EPB41: variants seen among roughly 807,000 people sequenced by gnomAD.
The protein encoded by EPB41 is protein 4.1.
A neutral mutation model predicts 108.0 loss-of-function variants in EPB41; 65 were observed. That is an observed-to-expected ratio of 0.60 (90% CI 0.49 to 0.74). EPB41 has a LOEUF of 0.74. Ranked by LOEUF, EPB41 falls within the 30% of genes least tolerant of loss-of-function variation. The pLI is 0.00. For synonymous variants in EPB41, 336 were observed against 358.9 expected (o/e 0.94, Z 0.72); for missense variants, 875 against 1,037.0 (o/e 0.84, Z 2.15).
intron 17 of EPB41, among the ~76,000 whole-genome samples, chr1:29,108,371 C>G (rs1482351952): frequency 6.6e-6 from 1 of 151,616 alleles, no homozygotes; most frequent in Non-Finnish European, 1.5e-5. Flanking sequence ...TGGTCTCAAA[C>G]TCCCCACCTC....
chr1:28,918,797 A>G (rs527657662), intron 1 of EPB41, among the ~76,000 whole-genome samples: 5 of 152,240 alleles, frequency 3.3e-5, no homozygotes, highest in Admixed American at 6.5e-5. Context: ...TGCATTTATC[A>G]TAGCATTTAG....
intron 18 of EPB41, among the ~76,000 whole-genome samples, chr1:29,111,342 T>A (rs1456476631): frequency 6.6e-6 from 1 of 152,082 alleles, no homozygotes; most frequent in African/African-American, 2.4e-5. Flanking sequence ...ATTGTGACTT[T>A]CTGTTTAGCT....
At chr1:29,016,130 G>A (rs2096574698) in intron 6 of EPB41, among the ~76,000 whole-genome samples, 1 of 151,936 alleles carries the variant, frequency 6.6e-6, no homozygotes, top group African/African-American at 2.4e-5. Context: ...TTGTTTTTTG[G>A]GGTCTCTTTT....
chr1:29,070,072 A>G (rs559779846), intron 16 of EPB41: 1 of 242,856 alleles, frequency 4.1e-6, no homozygotes, highest in South Asian at 1.8e-4. Context: ...TAAAATTCAT[A>G]TGTGAATATC....
chr1:29,077,841 G>T (rs1372878104), intron 16 of EPB41, among the ~76,000 whole-genome samples: 1 of 152,102 alleles, frequency 6.6e-6, no homozygotes, highest in African/African-American at 2.4e-5. Context: ...TTTAAATTTT[G>T]TATAATTTTA....
intron 16 of EPB41, among the ~76,000 whole-genome samples, chr1:29,088,201 C>T (rs1418378041): frequency 6.6e-6 from 1 of 151,982 alleles, no homozygotes; most frequent in African/African-American, 2.4e-5. Flanking sequence ...CGTGCGCTAC[C>T]ACGCCTGGCT....
chr1:28,901,113 T>C (rs1427916507), intron 1 of EPB41, among the ~76,000 whole-genome samples: 2 of 151,782 alleles, frequency 1.3e-5, no homozygotes, highest in Non-Finnish European at 2.9e-5. Flanking sequence ...GTATTTTTAG[T>C]AGAGATGGGG....
Position 29,117,225 on chromosome 1 carries a change from T to C in EPB41, c.*413T>C, listed in dbSNP as rs563893910. 2.0e-5 allele frequency: 3 copies of C among 152,694 alleles called. No homozygotes were observed. The highest frequency in any genetic ancestry group is 2.0e-4 in the Admixed American group (3 of 15,298). 9.5% of individuals were successfully genotyped at this position (152,694 alleles called of 1,614,324 possible). A position where few individuals can be genotyped will look rare whatever the true frequency, so the allele number is the denominator to read the frequency against. On this transcript the variant is annotated 3_prime_UTR_variant, in exon 21 of 21. Transcript: ENST00000343067. ...GCTGTGTTGGAAGCCAAAGCCAGCTTAGTGGGACTTCCGCGTCTCTCCCTA... is the reference window on the plus strand; with the variant it reads ...GCTGTGTTGGAAGCCAAAGCCAGCTCAGTGGGACTTCCGCGTCTCTCCCTA...
At chr1:28,980,169 C>T (rs896700774) in intron 1 of EPB41, among the ~76,000 whole-genome samples, 1 of 151,362 alleles carries the variant, frequency 6.6e-6, no homozygotes, top group African/African-American at 2.4e-5. Flanking sequence ...CCCCATCTGT[C>T]CCCAAAATAC....
intron 1 of EPB41, among the ~76,000 whole-genome samples, chr1:28,935,631 T>C (rs1029748959): frequency 2.0e-5 from 3 of 151,658 alleles, no homozygotes; most frequent in African/African-American, 7.3e-5. Context: ...TCCTTAAGAG[T>C]TACTGTAGGC....
chr1:28,928,800 G>A (rs1178719229), intron 1 of EPB41, among the ~76,000 whole-genome samples: 1 of 152,136 alleles, frequency 6.6e-6, no homozygotes, highest in East Asian at 1.9e-4. Flanking sequence ...AATGTTAAAG[G>A]GGGTGTCCTT....
upstream of EPB41, among the ~76,000 whole-genome samples, chr1:28,910,369 A>G (rs1307701734): frequency 6.6e-6 from 1 of 152,172 alleles, no homozygotes; most frequent in African/African-American, 2.4e-5. Context: ...GATGGCAAGC[A>G]CTACTCTTCA....
At chr1:29,068,714 A>G (rs1188564449) in intron 16 of EPB41, 3 of 1,231,352 alleles carry the variant, frequency 2.4e-6, no homozygotes, top group Non-Finnish European at 2.0e-6. Context: ...TGAATTTTAT[A>G]TAATTTGTGT....
At chr1:28,904,750 T>C (rs1008174215) in intron 1 of EPB41, among the ~76,000 whole-genome samples, 5 of 151,618 alleles carry the variant, frequency 3.3e-5, no homozygotes, top group African/African-American at 9.7e-5. Flanking sequence ...ATACAAAAAA[T>C]TGGCCAGCCG....
intron 2 of EPB41, among the ~76,000 whole-genome samples, chr1:28,991,614 A>T (rs1297151828): frequency 6.6e-6 from 1 of 150,508 alleles, no homozygotes; most frequent in Non-Finnish European, 1.5e-5. Flanking sequence ...AGGTGGGAGG[A>T]TCACTTGAGT....
At chr1:28,918,939 G>A (rs2092878144) in intron 1 of EPB41, among the ~76,000 whole-genome samples, 1 of 152,162 alleles carries the variant, frequency 6.6e-6, no homozygotes, top group Admixed American at 6.5e-5. Flanking sequence ...TTAGTCAAAT[G>A]CAATATAACT....
intron 1 of EPB41, among the ~76,000 whole-genome samples, chr1:28,952,142 G>A (rs938744829): frequency 1.3e-5 from 2 of 151,816 alleles, no homozygotes; most frequent in African/African-American, 4.8e-5. Context: ...GAGACTTTAT[G>A]CTTATAATTT....
intron 19 of EPB41, 144 bp downstream of exon 19, chr1:29,112,592 C>CA (rs1250489303): frequency 1.4e-6 from 1 of 706,628 alleles, no homozygotes; most frequent in Admixed American, 2.2e-5. Flanking sequence ...CAAAGACAAT[C>CA]AAAGTAAGAG....
At chr1:29,058,529 A>C (rs1179299326) in intron 12 of EPB41, 60 bp from the exon 13 acceptor site, 7 of 1,446,094 alleles carry the variant, frequency 4.8e-6, no homozygotes, top group Non-Finnish European at 6.8e-6. Flanking sequence ...TGGAAACAAC[A>C]CTATTCATAG....
Sources: allele counts gnomAD v4.1 joint callset (sites outside exome capture counted in the v4.1 genomes callset), GRCh38; gene constraint gnomAD v4.1.1; transcripts MANE v1.5; gene names NCBI Gene and HGNC (gene_info 2026-07-23, HGNC 2026-07-21).